TPM1: variants seen among roughly 807,000 people sequenced by gnomAD.
TPM1 encodes tropomyosin 1, also known as tropomyosin alpha-1 chain.
A neutral mutation model predicts 42.9 loss-of-function variants in TPM1; 24 were observed. The ratio of observed to expected loss-of-function variants is 0.56; its 90% confidence interval spans 0.41 to 0.79. The LOEUF is 0.79. TPM1 is among the 30% of genes least tolerant of loss of function. TPM1 has a pLI of 0.00. For synonymous variants in TPM1, 136 were observed against 130.1 expected (o/e 1.05, Z -0.31); for missense variants, 158 against 351.8 (o/e 0.45, Z 4.41).
At chr15:63,065,528 G>A (rs2036180362) in intron 9 of TPM1, 1 of 985,158 alleles carries the variant, frequency 1.0e-6, no homozygotes, top group Admixed American at 6.1e-5. Context: ...TTGTAAATGA[G>A]GGGGTGGAGC....
chr15:63,071,556 CT>C (rs1464179567), exon 9 of TPM1: 6 of 326,932 alleles, frequency 1.8e-5, no homozygotes, highest in Non-Finnish European at 3.6e-5. Context: ...AAAGGTCCCC[CT>C]GTGGTCTTTT....
At chr15:63,069,038 A>AGCT (rs2036446089), downstream of TPM1, among the ~76,000 whole-genome samples, 1 of 152,116 alleles carries the variant, frequency 6.6e-6, no homozygotes, top group Non-Finnish European at 1.5e-5. Flanking sequence ...CTGTAGTCCC[A>AGCT]GCTACTAGGG....
In TPM1 at chr15:63,064,267, A is replaced by T. The variant is rs114908588; in HGVS notation, c.851+125A>T. ...CTCTTGTGTTCACCCTTTTTGTCAT[A>T]ACCTAGAATAGTCATTGTTTTTTCA... On this transcript the variant is annotated intron_variant, in intron 9 of 9. Coordinates refer to ENST00000403994, the MANE Select transcript of TPM1 (RefSeq NM_001018005.2). 9.5e-4 allele frequency: 1,464 copies of T among 1,540,090 alleles called. 13 individuals carry two copies. The African/African-American group carries it at 0.017, about 18-fold the overall frequency.
chr15:63,043,521 G>A, intron 1 of TPM1: 7 of 929,402 alleles, frequency 7.5e-6, no homozygotes, highest in Non-Finnish European at 1.2e-5. Context: ...GGGCAGGTGG[G>A]TGTGCGGGGT....
chr15:63,068,217 T>C (rs1263755319), downstream of TPM1, among the ~76,000 whole-genome samples: 1 of 152,204 alleles, frequency 6.6e-6, no homozygotes, highest in Non-Finnish European at 1.5e-5. Flanking sequence ...AGAGATGGGC[T>C]GGAAAGGCTC....
chr15:63,068,540 C>T (rs188754465), downstream of TPM1, among the ~76,000 whole-genome samples: 10 of 152,300 alleles, frequency 6.6e-5, no homozygotes, highest in East Asian at 1.9e-3. Flanking sequence ...GCTGCAGGCA[C>T]ATTTTCCCTA....
chr15:63,043,047 A>G (rs1399824020), intron 1 of TPM1, 104 bp downstream of exon 1: 1 of 979,524 alleles, frequency 1.0e-6, no homozygotes, highest in Non-Finnish European at 1.6e-6. Flanking sequence ...CCACCACCCT[A>G]CCCCCACCAC....
chr15:63,063,733 T>C (rs2035953692), intron 8 of TPM1: 1 of 276,278 alleles, frequency 3.6e-6, no homozygotes, highest in Admixed American at 4.8e-5. Flanking sequence ...CATTAGCCCC[T>C]GCCTCCCCTC....
At chr15:63,043,009 T>G in intron 1 of TPM1, 66 bp downstream of exon 1, 1 of 1,433,018 alleles carries the variant, frequency 7.0e-7, no homozygotes, top group Non-Finnish European at 9.6e-7. Context: ...CACCCCCGGC[T>G]GGATCCCCAC....
intron 6 of TPM1, 110 bp downstream of exon 6, chr15:63,061,898 G>A (rs552372921): frequency 3.0e-5 from 30 of 988,842 alleles, no homozygotes; most frequent in African/African-American, 6.5e-5. Context: ...TGGCAATATT[G>A]TGAGGTGATT....
chr15:63,069,713 C>T (rs1263415191), downstream of TPM1, among the ~76,000 whole-genome samples: 1 of 152,176 alleles, frequency 6.6e-6, no homozygotes, highest in Non-Finnish European at 1.5e-5. Flanking sequence ...GGATACAGGA[C>T]AGGTGACTAT....
intron 2 of TPM1, among the ~76,000 whole-genome samples, chr15:63,053,878 C>T (rs2034355891): frequency 6.6e-6 from 1 of 151,874 alleles, no homozygotes; most frequent in Non-Finnish European, 1.5e-5. Context: ...GACGGGGTTT[C>T]ACCATGTTGG....
intron 1 of TPM1, chr15:63,043,246 C>A: frequency 1.9e-6 from 1 of 516,858 alleles, no homozygotes; most frequent in Non-Finnish European, 3.6e-6. Context: ...GGAGGACACC[C>A]GGTTCCTGGG....
chr15:63,051,373 C>T (rs188456004), intron 2 of TPM1, among the ~76,000 whole-genome samples: 2 of 152,168 alleles, frequency 1.3e-5, no homozygotes, highest in Non-Finnish European at 1.5e-5. Context: ...TGTATACTCT[C>T]GATTTCCGCT....
At chr15:63,062,916 A>T in intron 8 of TPM1, 1 of 1,457,760 alleles carries the variant, frequency 6.9e-7, no homozygotes, top group Non-Finnish European at 9.0e-7. Context: ...TTTATTTTTC[A>T]CTGTGAGTGA....
At chr15:63,060,974 G>A (rs1294215164) in intron 5 of TPM1, 35 bp downstream of exon 5, 2 of 1,611,960 alleles carry the variant, frequency 1.2e-6, no homozygotes. Context: ...CCACGAATGG[G>A]GTGCTGCAGA....
rs148048944 is a variant in TPM1, at chr15:63,060,813, C to G, written c.493-56C>G. ...ATCTGATCTCTACCCCCATGCCCTT[C>G]TGTTACACAAAGCTTGCAAGACCCA... On this transcript the variant is annotated intron_variant, in intron 4 of 9. Transcript: ENST00000403994. 2.8e-4 allele frequency: 446 copies of G among 1,599,144 alleles called. 4 individuals carry two copies. In the African/African-American group the frequency reaches 5.3e-3, roughly 19 times the overall value.
Position 63,057,092 on chromosome 15 carries a change from T to A in TPM1, c.348T>A (p.Ala116=), listed in dbSNP as rs1371734350. 1 of 1,614,210 alleles carries A rather than the reference T, an allele frequency of 6.2e-7. No homozygotes were observed. Among genetic ancestry groups the A allele is most frequent in the Non-Finnish European group, 8.5e-7 (1 of 1,180,032 alleles). ...LATALQKLEE[A]EKAADESERG... Reference sequence around the variant, plus strand: ...CAGCTTTGCAGAAGCTGGAGGAAGCTGAGAAGGCAGCAGATGAGAGTGAGA... The same window carrying A: ...CAGCTTTGCAGAAGCTGGAGGAAGCAGAGAAGGCAGCAGATGAGAGTGAGA... Residue 116 remains alanine, a synonymous_variant, in exon 3 of 10, where the codon GCT becomes GCA. Transcript: ENST00000403994.
intron 2 of TPM1, 103 bp downstream of exon 2, chr15:63,044,255 T>C: frequency 1.2e-5 from 18 of 1,561,746 alleles, no homozygotes; most frequent in Non-Finnish European, 1.5e-5. Context: ...CTTTTCCTGC[T>C]GGACACCTGC....
Sources: allele counts gnomAD v4.1 joint callset (sites outside exome capture counted in the v4.1 genomes callset), GRCh38; gene constraint gnomAD v4.1.1; transcripts MANE v1.5; gene names NCBI Gene and HGNC (gene_info 2026-07-23, HGNC 2026-07-21).